The following PEX12 variants were observed in gnomAD, a reference collection of about 807,000 sequenced individuals.
PEX12 encodes the protein peroxisomal biogenesis factor 12.
In PEX12, 31 loss-of-function variants were observed where a neutral mutation model predicts 32.5. The observed-to-expected ratio is 0.95, with a 90% confidence interval of 0.72 to 1.29. The LOEUF is 1.29. Among genes scored for constraint, PEX12 ranks in the 50% most tolerant of loss-of-function variants. PEX12 has a pLI of 0.00. For missense variants in PEX12, 359 were observed against 419.0 expected (o/e 0.86, Z 1.25); for synonymous variants, 148 against 157.2 (o/e 0.94, Z 0.44).
chr17:35,576,938 T>G, intron 2 of PEX12, 100 bp downstream of exon 2: 3 of 1,021,612 alleles, frequency 2.9e-6, no homozygotes, highest in Non-Finnish European at 4.5e-6. Context: ...TATGACTCTA[T>G]GAAATGCCAC....
chr17:35,577,677 T>G lies in PEX12; in HGVS notation c.127-86A>C, dbSNP rs375578252. ...ACATTCCCCCTTTTCCTCTAAAGTC[T>G]ACACAATTTGTTTTAAATAAGTCAC... On this transcript the variant is annotated intron_variant, in intron 1 of 2. Transcript: ENST00000225873. 1.3e-5 allele frequency: 19 copies of G among 1,439,272 alleles called. No homozygotes were observed. The East Asian group carries it at 3.4e-4, about 26-fold the overall frequency. The allele number at this position is 1,439,272 out of a possible 1,614,324, so 89.2% of individuals were successfully genotyped here. A position where few individuals can be genotyped will look rare whatever the true frequency, so the allele number is the denominator to read the frequency against.
intron 2 of PEX12, among the ~76,000 whole-genome samples, chr17:35,576,471 G>A (rs1421213212): frequency 6.8e-6 from 1 of 147,292 alleles, no homozygotes; most frequent in African/African-American, 2.5e-5. Context: ...TTTTTTTAGT[G>A]GAAGATAGTG....
chr17:35,578,306 C>G lies in PEX12; in HGVS notation c.-285G>C. ...TCAAATGCTGCACGTCAGGGCAGAG[C>G]GTGACTGTGGGGGACAGGTATGGGG... On this transcript the variant is annotated 5_prime_UTR_variant, in exon 1 of 3. Transcript: ENST00000225873. 1.3e-5 allele frequency: 5 copies of G among 397,606 alleles called. No individual in the cohort carries two copies. Among genetic ancestry groups the G allele is most frequent in the South Asian group, 1.0e-4 (5 of 49,054 alleles). The allele number at this position is 397,606 out of a possible 1,614,324, so 24.6% of individuals were successfully genotyped here. A position where few individuals can be genotyped will look rare whatever the true frequency, so the allele number is the denominator to read the frequency against.
rs923109489 is a variant in PEX12 at position 35,577,200 on chromosome 17, C to T, written c.518G>A (p.Trp173Ter). The T allele has an allele frequency of 1.2e-6, 2 of 1,614,122 alleles. No homozygotes were observed. Among genetic ancestry groups the T allele is most frequent in the Admixed American group, 1.7e-5 (1 of 60,020 alleles). Reference protein sequence around the residue: ...YPFVNMAWEGWFLVQQLRYIL... With the variant: ...YPFVNMAWEG The stretch of plus-strand genomic sequence containing the variant: ...GTATCGAAGTTGTTGTACAAGAAAC[C>T]ATCCTTCCCAGGCCATGTTCACAAA... The change falls in exon 2 of 3, where the codon TGG (tryptophan) becomes TAG (stop). Residue 173 changes from tryptophan to a stop codon, truncating the protein, a stop_gained. Transcript: ENST00000225873. LOFTEE classifies it high-confidence loss of function.
chr17:35,576,996 A>T (rs1206030951), intron 2 of PEX12, 42 bp downstream of exon 2: 1 of 1,591,124 alleles, frequency 6.3e-7, no homozygotes, highest in East Asian at 2.2e-5. Context: ...ACGATTTTCG[A>T]ATTTACTAAC....
Position 35,578,195 on chromosome 17 carries a change from T to C in PEX12, c.-174A>G. On this transcript the variant is annotated 5_prime_UTR_variant, in exon 1 of 3. Coordinates refer to ENST00000225873, the MANE Select transcript of PEX12 (RefSeq NM_000286.3). ...AAAAATGAACTGGGAAAAAAAGACC[T>C]GGAGGCCGAGGGTAGTCTCAAGAAG... 1 of 773,136 alleles carries C rather than the reference T, an allele frequency of 1.3e-6. No individual in the cohort carries two copies. Among genetic ancestry groups the C allele is most frequent in the Middle Eastern group, 2.8e-4 (1 of 3,530 alleles). 47.9% of individuals were successfully genotyped at this position (773,136 alleles called of 1,614,324 possible). A position where few individuals can be genotyped will look rare whatever the true frequency, so the allele number is the denominator to read the frequency against.
Position 35,575,036 on chromosome 17 carries a change from T to C in PEX12, c.*746A>G, listed in dbSNP as rs2072776362. ...ATTAGTATTTTGCTTCATGTCTTCA[T>C]TGCTTGTTAGCTTTGCTTTTACACA... On this transcript the variant is annotated 3_prime_UTR_variant, in exon 3 of 3. Transcript: ENST00000225873. The C allele has an allele frequency of 6.6e-6, 1 of 152,636 alleles. No homozygotes were observed. The allele number at this position is 152,636 out of a possible 1,614,324, so 9.5% of individuals were successfully genotyped here.
At position 35,576,114 on chromosome 17, in the gene PEX12, C is replaced by CA; in HGVS notation, c.747dup (p.Gly250TrpfsTer13). 6.2e-7 allele frequency: 1 copy of CA among 1,614,026 alleles called. No homozygotes were observed. The highest frequency in any genetic ancestry group is 8.5e-7 in the Non-Finnish European group (1 of 1,179,982). ...AAGAAGAATACACCCACAGAAAGGC[C>CA]AGTAGACAGGGATAAGGCAACACCC... On this transcript the variant is annotated frameshift_variant, in exon 3 of 3. Coordinates refer to ENST00000225873, the MANE Select transcript of PEX12 (RefSeq NM_000286.3). LOFTEE classifies it high-confidence loss of function.
In PEX12 at chr17:35,578,568, T is replaced by C. The variant is rs1597924324; in HGVS notation, c.-547A>G. On this transcript the variant is annotated 5_prime_UTR_variant, in exon 1 of 3. Coordinates refer to ENST00000225873, the MANE Select transcript of PEX12 (RefSeq NM_000286.3). ...CGTTTGAAGGGAGGTCTCCGCTTTATGACAGAAGCCGCACCCGGAAATGAA... is the reference window on the plus strand; with the variant it reads ...CGTTTGAAGGGAGGTCTCCGCTTTACGACAGAAGCCGCACCCGGAAATGAA... 3 of 198,750 alleles carry C rather than the reference T, an allele frequency of 1.5e-5. No homozygotes were observed. Among genetic ancestry groups the C allele is most frequent in the East Asian group, 2.4e-4 (2 of 8,358 alleles). The allele number at this position is 198,750 out of a possible 1,614,324, so 12.3% of individuals were successfully genotyped here.
At position 35,578,087 on chromosome 17, in the gene PEX12, G is replaced by A; in HGVS notation, c.-66C>T. On this transcript the variant is annotated 5_prime_UTR_variant, in exon 1 of 3. Transcript: ENST00000225873. ...CTCTCGTGAGCATGAACTTTTTCGG[G>A]AGGAAGAGTATCAGATGGGTGCTCA... is the stretch of plus-strand genomic sequence containing the variant. The A allele has an allele frequency of 3.7e-6, 6 of 1,600,590 alleles. No individual in the cohort carries two copies. The highest frequency in any genetic ancestry group is 2.2e-5 in the East Asian group (1 of 44,738).
rs749650201 is a variant in PEX12 at position 35,575,897 on chromosome 17, TAGCC to T, written c.961_964del (p.Gly321MetfsTer12). 1.2e-6 allele frequency: 2 copies of T among 1,614,134 alleles called. No homozygotes were observed. Among genetic ancestry groups the T allele is most frequent in the East Asian group, 4.5e-5 (2 of 44,886 alleles). ...AAACACACAGCGGTAACAAAACACATAGCCAGAGGTGGCAAGAACAGTATCATTC... is the reference window on the plus strand; with the variant it reads ...AAACACACAGCGGTAACAAAACACATAGAGGTGGCAAGAACAGTATCATTC... On this transcript the variant is annotated frameshift_variant, in exon 3 of 3. Transcript: ENST00000225873. LOFTEE classifies it high-confidence loss of function.
chr17:35,575,550 T>C lies in PEX12; in HGVS notation c.*232A>G. On this transcript the variant is annotated 3_prime_UTR_variant, in exon 3 of 3. Transcript: ENST00000225873. ...CACTGGCCCTCATATCCCCTGCCAG[T>C]CCTGATCCTTCTACTTTAAGCAGCT... The C allele has an allele frequency of 1.8e-6, 1 of 559,046 alleles. No homozygotes were observed. The allele number at this position is 559,046 out of a possible 1,614,324, so 34.6% of individuals were successfully genotyped here.
intron 2 of PEX12, 135 bp downstream of exon 2, chr17:35,576,903 T>C (rs765285789): frequency 6.0e-5 from 47 of 784,480 alleles, no homozygotes; most frequent in Non-Finnish European, 9.5e-5. Flanking sequence ...AGTCCTTGTT[T>C]TATGGACACA....
At position 35,575,976 on chromosome 17, in the gene PEX12, G is replaced by C. The variant is rs761590834; in HGVS notation, c.886C>G (p.Leu296Val). 3 of 1,614,158 alleles carry C rather than the reference G, an allele frequency of 1.9e-6. No homozygotes were observed. Among genetic ancestry groups the C allele is most frequent in the Non-Finnish European group, 2.5e-6 (3 of 1,180,010 alleles). ...CACACAGTCTTCATTTTGGGTAAGA[G>C]GGGAGAATCAGAGTTATAGTCTAGG... The part of the protein sequence containing the change: ...VHLDYNSDSP[L>V]LPKMKTVCPL... Residue 296 changes from leucine (L) to valine (V), a missense_variant, in exon 3 of 3, where the codon CTC becomes GTC. By Grantham distance (32) the Leu-to-Val change is conservative (BLOSUM62 1). Coordinates refer to ENST00000225873, the MANE Select transcript of PEX12 (RefSeq NM_000286.3).
chr17:35,578,101 G>C lies in PEX12; in HGVS notation c.-80C>G, dbSNP rs1041236319. 55 of 1,533,024 alleles carry C rather than the reference G, an allele frequency of 3.6e-5. No homozygotes were observed. The African/African-American group carries it at 6.5e-4, about 18-fold the overall frequency. The allele number at this position is 1,533,024 out of a possible 1,614,324, so 95.0% of individuals were successfully genotyped here. The stretch of plus-strand genomic sequence containing the variant: ...AACTTTTTCGGGAGGAAGAGTATCA[G>C]ATGGGTGCTCAGTCTTAAAGGTAAA... On this transcript the variant is annotated 5_prime_UTR_variant, in exon 1 of 3. The change creates a new upstream start codon in the 5' untranslated region. Transcript: ENST00000225873.
At position 35,575,192 on chromosome 17, in the gene PEX12, T is replaced by C. The variant is rs1411236546; in HGVS notation, c.*590A>G. 1 of 154,074 alleles carries C rather than the reference T, an allele frequency of 6.5e-6. No homozygotes were observed. The highest frequency in any genetic ancestry group is 2.4e-5 in the African/African-American group (1 of 41,424). The allele number at this position is 154,074 out of a possible 1,614,324, so 9.5% of individuals were successfully genotyped here. A position where few individuals can be genotyped will look rare whatever the true frequency, so the allele number is the denominator to read the frequency against. The stretch of plus-strand genomic sequence containing the variant: ...AAATATCCAACTTTTAAAATACCTT[T>C]TTTATCCTTAAAAGCTGATAAACAA... On this transcript the variant is annotated 3_prime_UTR_variant, in exon 3 of 3. Transcript: ENST00000225873.
rs2142229321 is a variant in PEX12, at chr17:35,576,148, T to C, written c.714A>G (p.Lys238=). 1 of 1,614,116 alleles carries C rather than the reference T, an allele frequency of 6.2e-7. No individual in the cohort carries two copies. Among genetic ancestry groups the C allele is most frequent in the Non-Finnish European group, 8.5e-7 (1 of 1,180,006 alleles). ...VSEKINSALK[K]AVGGVALSLS... is the part of the protein sequence containing the mutation. ...GGGATAAGGCAACACCCCCAACAGC[T>C]TTCTTCAGAGCTGAGTTTATCTTCT... Residue 238 remains lysine, a synonymous_variant, in exon 3 of 3, where the codon AAA becomes AAG. Transcript: ENST00000225873.
rs886052826 is a variant in PEX12, at chr17:35,575,250, T to C, written c.*532A>G. 6.2e-6 allele frequency: 1 copy of C among 161,492 alleles called. No homozygotes were observed. Among genetic ancestry groups the C allele is most frequent in the Non-Finnish European group, 1.4e-5 (1 of 72,796 alleles). 10.0% of individuals were successfully genotyped at this position (161,492 alleles called of 1,614,324 possible). ...CACTTAACAAATGTCTCACAGTATA[T>C]GGAAGGAGCTTTTTTCCCCCCCAGA... On this transcript the variant is annotated 3_prime_UTR_variant, in exon 3 of 3. Transcript: ENST00000225873.
intron 2 of PEX12, 58 bp downstream of exon 2, chr17:35,576,980 T>C (rs1182249698): frequency 1.4e-5 from 21 of 1,496,062 alleles, no homozygotes; most frequent in Non-Finnish European, 1.1e-5. Flanking sequence ...TTTACAAAAC[T>C]GGGATACGAT....
Sources: allele counts gnomAD v4.1 joint callset (sites outside exome capture counted in the v4.1 genomes callset), GRCh38; gene constraint gnomAD v4.1.1; transcripts MANE v1.5; gene names NCBI Gene and HGNC (gene_info 2026-07-23, HGNC 2026-07-21).